The following TYW5 variants were observed in gnomAD, a reference collection of about 807,000 sequenced individuals.
TYW5 encodes the protein tRNA-yW synthesizing protein 5.
Under a neutral mutation model 44.4 loss-of-function variants are expected in TYW5, and 36 were observed. The ratio of observed to expected loss-of-function variants is 0.81; its 90% CI spans 0.62 to 1.07. The LOEUF (loss-of-function observed/expected upper bound fraction) is 1.07. Ranked by LOEUF, TYW5 falls within the 50% of genes least tolerant of loss-of-function variation. TYW5 has a pLI of 0.00. For missense variants in TYW5, 354 were observed against 365.7 expected (o/e 0.97, Z 0.26); for synonymous variants, 121 against 128.1 (o/e 0.94, Z 0.37).
At chr2:199,944,125 G>A (rs999118305) in intron 2 of TYW5, 1 of 242,348 alleles carries the variant, frequency 4.1e-6, no homozygotes, top group Admixed American at 5.3e-5. Context: ...ACAGAAAAAT[G>A]TTTCTATGGT....
At chr2:199,938,430 G>A (rs938643645) in intron 5 of TYW5, among the ~76,000 whole-genome samples, 3 of 152,152 alleles carry the variant, frequency 2.0e-5, no homozygotes, top group Admixed American at 1.3e-4. Flanking sequence ...ACATTCTCAA[G>A]GCATATATAT....
In TYW5 at chr2:199,938,996, T is replaced by C. The variant is rs747251495; in HGVS notation, c.423A>G (p.Glu141=). ...TTCGAAAAACACTGGAAAAGAACTG[T>C]TCCTCTTTGAAGAATTCTGGAAACT... ...DIKFPEFFKE[E]QFFSSVFRIS... Residue 141 remains glutamate (E), a synonymous_variant, in exon 5 of 8, where the codon GAA becomes GAG. Transcript: ENST00000354611. 1 of 1,613,674 alleles carries C rather than the reference T, an allele frequency of 6.2e-7. No individual in the cohort carries two copies. The highest frequency in any genetic ancestry group is 1.7e-5 in the Admixed American group (1 of 59,944).
In TYW5 at chr2:199,932,877, A is replaced by T; in HGVS notation, c.*190T>A. The T allele has an allele frequency of 1.6e-6, 1 of 618,896 alleles. No homozygotes were observed. The highest frequency in any genetic ancestry group is 3.5e-5 in the Admixed American group (1 of 28,338). The allele number at this position is 618,896 out of a possible 1,614,324, so 38.3% of individuals were successfully genotyped here. A position where few individuals can be genotyped will look rare whatever the true frequency, so the allele number is the denominator to read the frequency against. On this transcript the variant is annotated 3_prime_UTR_variant, in exon 8 of 8. Transcript: ENST00000354611. ...TGGACTTTTAGTGGTCAGCATCTGA[A>T]TGTTAAAGAGTGGTCCCAGCACAGC...
intron 5 of TYW5, among the ~76,000 whole-genome samples, chr2:199,938,442 C>G (rs1317742407): frequency 2.6e-5 from 4 of 152,090 alleles, no homozygotes; most frequent in Non-Finnish European, 5.9e-5. Context: ...CATATATATC[C>G]TAAGATCTTC....
chr2:199,946,927 G>T (rs2077508052), intron 2 of TYW5: 1 of 152,096 alleles, frequency 6.6e-6, no homozygotes. Context: ...AAACATCAAG[G>T]CAATTCAAGA....
At chr2:199,938,063 G>T (rs1243754054) in intron 5 of TYW5, among the ~76,000 whole-genome samples, 1 of 151,634 alleles carries the variant, frequency 6.6e-6, no homozygotes, top group Non-Finnish European at 1.5e-5. Context: ...AAATAATCAA[G>T]ATCAATTTTT....
At chr2:199,937,672 AAAC>A (rs144498946) in intron 5 of TYW5, among the ~76,000 whole-genome samples, 3,835 of 152,222 alleles carry the variant, frequency 0.025, 50 homozygotes, top group Middle Eastern at 0.044. Flanking sequence ...CTGTCTCAAA[AAAC>A]AACAACAACA....
At chr2:199,945,734 A>G (rs1331930788) in intron 2 of TYW5, 1 of 152,262 alleles carries the variant, frequency 6.6e-6, no homozygotes, top group Non-Finnish European at 1.5e-5. Context: ...AGACCTTTAG[A>G]AAAACAGAAC....
chr2:199,950,294 T>G (rs145201098), intron 1 of TYW5, among the ~76,000 whole-genome samples: 3 of 152,306 alleles, frequency 2.0e-5, no homozygotes, highest in African/African-American at 7.2e-5. Flanking sequence ...TAATTCCCAT[T>G]TTCAGCAGTG....
At chr2:199,934,121 A>G (rs2077401556) in intron 7 of TYW5, among the ~76,000 whole-genome samples, 1 of 152,108 alleles carries the variant, frequency 6.6e-6, no homozygotes, top group African/African-American at 2.4e-5. Flanking sequence ...GGGAGATTTA[A>G]ATTTTAGAAA....
At chr2:199,952,408 T>G (rs140726942) in intron 1 of TYW5, among the ~76,000 whole-genome samples, 17 of 152,320 alleles carry the variant, frequency 1.1e-4, no homozygotes, top group African/African-American at 3.1e-4. Flanking sequence ...AGAAGTTGTA[T>G]CTCAGTGTAG....
chr2:199,949,219 G>A (rs1574808529), intron 1 of TYW5, among the ~76,000 whole-genome samples: 1 of 151,746 alleles, frequency 6.6e-6, no homozygotes, highest in East Asian at 1.9e-4. Flanking sequence ...ATAAGAAAAA[G>A]AAAATTTGAA....
Position 199,943,705 on chromosome 2 carries a change from G to A in TYW5, c.303+60C>T, listed in dbSNP as rs2077482869. On this transcript the variant is annotated intron_variant, in intron 3 of 7. Coordinates refer to ENST00000354611, the MANE Select transcript of TYW5 (RefSeq NM_001039693.3). ...TTGTGTATCTACTATTCTTTCATAA[G>A]AAAATCCATTTAGTATATAGATATT... is the stretch of plus-strand genomic sequence containing the variant. 4 of 1,361,004 alleles carry A rather than the reference G, an allele frequency of 2.9e-6. No homozygotes were observed. In the Admixed American group the frequency reaches 6.5e-5, roughly 22 times the overall value. The allele number at this position is 1,361,004 out of a possible 1,614,324, so 84.3% of individuals were successfully genotyped here. A position where few individuals can be genotyped will look rare whatever the true frequency, so the allele number is the denominator to read the frequency against.
At chr2:199,951,285 AACTAGAATTC>A (rs2077542877) in intron 1 of TYW5, among the ~76,000 whole-genome samples, 1 of 152,214 alleles carries the variant, frequency 6.6e-6, no homozygotes, top group African/African-American at 2.4e-5. Context: ...TTACTGTACT[AACTAGAATTC>A]AGTTTGTTTT....
intron 7 of TYW5, among the ~76,000 whole-genome samples, chr2:199,935,411 T>TCCTCAA (rs990737491): frequency 5.9e-5 from 9 of 151,818 alleles, no homozygotes; most frequent in Non-Finnish European, 1.2e-4. Context: ...GGCATCAACC[T>TCCTCAA]CCTCAACCTC....
chr2:199,948,434 T>A lies in TYW5; in HGVS notation c.117A>T (p.Pro39=), dbSNP rs747899201. The change falls in exon 2 of 8, where the codon CCA becomes CCT. Residue 39 remains proline (P), a synonymous_variant. Transcript: ENST00000354611. The part of the protein sequence containing the change: ...PLVLEGIDLG[P]CTSKWTVDYL... ...AATCCACTGTCCATTTGCTTGTACA[T>A]GGCCCCAAATCAATCCCTTCCAACA... 5 of 1,614,168 alleles carry A rather than the reference T, an allele frequency of 3.1e-6. No homozygotes were observed. In the East Asian group the frequency reaches 1.1e-4, roughly 36 times the overall value.
chr2:199,941,645 G>C (rs755184723), intron 3 of TYW5, among the ~76,000 whole-genome samples: 2 of 152,212 alleles, frequency 1.3e-5, no homozygotes. Flanking sequence ...TTCTTCGAAA[G>C]TCTAAGGGTT....
intron 1 of TYW5, 64 bp from the exon 2 acceptor site, chr2:199,948,536 T>C: frequency 6.4e-7 from 1 of 1,561,642 alleles, no homozygotes; most frequent in Non-Finnish European, 8.8e-7. Context: ...AGAGCTGTAT[T>C]TGGCAACAGG....
At chr2:199,944,626 C>A (rs1440257075) in intron 2 of TYW5, 2 of 152,086 alleles carry the variant, frequency 1.3e-5, no homozygotes, top group Non-Finnish European at 2.9e-5. Context: ...GTATAAGTAA[C>A]AAGACAATGA....
Sources: allele counts gnomAD v4.1 joint callset (sites outside exome capture counted in the v4.1 genomes callset), GRCh38; gene constraint gnomAD v4.1.1; transcripts MANE v1.5; gene names NCBI Gene and HGNC (gene_info 2026-07-23, HGNC 2026-07-21).